Variants in SORCS1 observed in about 807,000 individuals in gnomAD.
SORCS1 encodes the protein VPS10 domain-containing receptor SorCS1.
A neutral mutation model predicts 146.1 loss-of-function variants in SORCS1; 60 were observed. The observed-to-expected ratio is 0.41, with a 90% CI of 0.33 to 0.51. The LOEUF (loss-of-function observed/expected upper bound fraction) is 0.51, where lower values mean the gene tolerates loss of function less well. Ranked by LOEUF, SORCS1 falls within the 20% of genes least tolerant of loss-of-function variation. The pLI, the probability that SORCS1 is intolerant of heterozygous loss-of-function variation, is 0.21. For synonymous variants in SORCS1, 637 were observed against 584.0 expected (o/e 1.09, Z -1.31); for missense variants, 1,352 against 1,487.6 (o/e 0.91, Z 1.50).
intron 19 of SORCS1, among the ~76,000 whole-genome samples, chr10:106,622,289 G>GAAAAAAAAAAA (rs554464573): frequency 2.6e-5 from 1 of 39,040 alleles, no homozygotes; most frequent in Admixed American, 3.5e-4. Flanking sequence ...ATTCCATCTC[G>GAAAAAAAAAAA]AAAAAAAAAA....
intron 2 of SORCS1, among the ~76,000 whole-genome samples, chr10:106,873,827 C>A (rs577566484): frequency 6.6e-6 from 1 of 152,168 alleles, no homozygotes; most frequent in African/African-American, 2.4e-5. Context: ...AGTGTTTATA[C>A]GCCTACCTTA....
At chr10:106,795,493 A>G (rs1946512429) in intron 3 of SORCS1, among the ~76,000 whole-genome samples, 1 of 152,180 alleles carries the variant, frequency 6.6e-6, no homozygotes, top group African/African-American at 2.4e-5. Context: ...CTGTGAAAAC[A>G]AGATGCAAAA....
chr10:106,979,599 A>AT (rs5787700), intron 1 of SORCS1, among the ~76,000 whole-genome samples: 1 of 152,150 alleles, frequency 6.6e-6, no homozygotes, highest in Non-Finnish European at 1.5e-5. Context: ...CAAAAAAAAA[A>AT]CTGGAAGATC....
intron 1 of SORCS1, among the ~76,000 whole-genome samples, chr10:107,092,883 G>GAAAAAAAAAAAA (rs34184443): frequency 1.6e-5 from 1 of 61,528 alleles, no homozygotes; most frequent in Non-Finnish European, 3.0e-5. Context: ...AGAAGACCAT[G>GAAAAAAAAAAAA]AAAAAAAAAA....
intron 1 of SORCS1, among the ~76,000 whole-genome samples, chr10:107,138,259 T>C (rs1967503481): frequency 6.6e-6 from 1 of 152,218 alleles, no homozygotes; most frequent in Non-Finnish European, 1.5e-5. Flanking sequence ...TTTCCTTAGT[T>C]CATTCTTTAC....
chr10:106,833,357 G>C (rs912417099), intron 2 of SORCS1, among the ~76,000 whole-genome samples: 9 of 152,202 alleles, frequency 5.9e-5, no homozygotes, highest in African/African-American at 2.2e-4. Context: ...ACACATCCAA[G>C]TGGTACAGAT....
chr10:107,095,115 T>C (rs1964458248), intron 1 of SORCS1, among the ~76,000 whole-genome samples: 1 of 152,122 alleles, frequency 6.6e-6, no homozygotes, highest in Non-Finnish European at 1.5e-5. Flanking sequence ...GAAGTGACTG[T>C]GGAGGAGAAA....
At chr10:106,595,254 C>T (rs1415663699) in intron 24 of SORCS1, among the ~76,000 whole-genome samples, 1 of 152,118 alleles carries the variant, frequency 6.6e-6, no homozygotes. Context: ...GACTCTGTCC[C>T]CTATGTTGAC....
chr10:106,649,904 T>A (rs773583079), intron 18 of SORCS1, among the ~76,000 whole-genome samples: 1 of 152,226 alleles, frequency 6.6e-6, no homozygotes, highest in South Asian at 2.1e-4. Context: ...AAGTTCTTAA[T>A]ATCAGTTATT....
intron 1 of SORCS1, among the ~76,000 whole-genome samples, chr10:107,034,926 C>T (rs1444890864): frequency 6.6e-6 from 1 of 151,738 alleles, no homozygotes; most frequent in East Asian, 1.9e-4. Flanking sequence ...CTAAATTATA[C>T]AAGAATGCTA....
At chr10:106,880,082 TG>T (rs1950750819) in intron 2 of SORCS1, among the ~76,000 whole-genome samples, 2 of 152,154 alleles carry the variant, frequency 1.3e-5, no homozygotes, top group South Asian at 2.1e-4. Context: ...CAGCACAAGG[TG>T]GTTGGTGGCT....
At chr10:106,914,135 C>A (rs79081472) in intron 2 of SORCS1, among the ~76,000 whole-genome samples, 1,631 of 152,284 alleles carry the variant, frequency 0.011, 35 homozygotes, top group African/African-American at 0.038. Flanking sequence ...TGACATTGAG[C>A]TTGCTTCCTC....
chr10:107,149,193 CT>C (rs1175751482), intron 1 of SORCS1, among the ~76,000 whole-genome samples: 2 of 152,126 alleles, frequency 1.3e-5, no homozygotes, highest in African/African-American at 4.8e-5. Context: ...CCTTTCTGTT[CT>C]TTTTTTCTTT....
At chr10:107,001,626 G>A (rs192781687) in intron 1 of SORCS1, among the ~76,000 whole-genome samples, 1 of 152,264 alleles carries the variant, frequency 6.6e-6, no homozygotes, top group Admixed American at 6.5e-5. Context: ...ACCACACCCA[G>A]CTAATTTTTA....
At chr10:107,150,073 T>C (rs1968650699) in intron 1 of SORCS1, among the ~76,000 whole-genome samples, 1 of 152,222 alleles carries the variant, frequency 6.6e-6, no homozygotes, top group Non-Finnish European at 1.5e-5. Flanking sequence ...TTATGGCTAT[T>C]ATGCACTTAT....
chr10:106,952,094 G>A (rs1954713569), intron 2 of SORCS1, among the ~76,000 whole-genome samples: 1 of 152,118 alleles, frequency 6.6e-6, no homozygotes, highest in Admixed American at 6.5e-5. Flanking sequence ...CCTAGTTCCT[G>A]TTTTCCAACA....
chr10:106,620,307 G>T, intron 20 of SORCS1, 121 bp downstream of exon 20: 1 of 1,295,280 alleles, frequency 7.7e-7, no homozygotes, highest in South Asian at 1.6e-5. Context: ...GGAGCTTGTT[G>T]TCCTTGAAGC....
At chr10:106,923,039 C>G (rs1400227838) in intron 2 of SORCS1, among the ~76,000 whole-genome samples, 2 of 152,106 alleles carry the variant, frequency 1.3e-5, no homozygotes, top group African/African-American at 4.8e-5. Flanking sequence ...TAGGCGCACA[C>G]GCCACCACAC....
intron 7 of SORCS1, 102 bp downstream of exon 7, chr10:106,709,121 C>T: frequency 1.2e-6 from 1 of 820,846 alleles, no homozygotes; most frequent in Non-Finnish European, 2.0e-6. Context: ...TCCCTCCCAT[C>T]CTCTCTTTTT....
Sources: allele counts gnomAD v4.1 joint callset (sites outside exome capture counted in the v4.1 genomes callset), GRCh38; gene constraint gnomAD v4.1.1; transcripts MANE v1.5; gene names NCBI Gene and HGNC (gene_info 2026-07-23, HGNC 2026-07-21).